GAS2: variants seen among roughly 807,000 people sequenced by gnomAD.
GAS2 encodes growth arrest specific 2.
In GAS2, 20 loss-of-function variants were observed where a neutral mutation model predicts 37.5. The ratio of observed to expected loss-of-function variants is 0.53; its 90% CI spans 0.37 to 0.77. The LOEUF (loss-of-function observed/expected upper bound fraction) is 0.77, where lower values mean the gene tolerates loss of function less well. Ranked by LOEUF, GAS2 falls within the 30% of genes least tolerant of loss-of-function variation. The pLI is 0.00. For missense variants in GAS2, 336 were observed against 373.4 expected, an observed-to-expected ratio of 0.90 and a Z score of 0.82; for synonymous variants, 144 against 132.2, an observed-to-expected ratio of 1.09 and a Z score of -0.61.
At chr11:22,674,499 A>G (rs1121197) in intron 1 of GAS2, among the ~76,000 whole-genome samples, 94,905 of 151,874 alleles carry the variant, frequency 0.62, 30,836 homozygotes, top group East Asian at 0.83. Flanking sequence ...AGCCCAAACA[A>G]TGGGAGTTAA....
intron 3 of GAS2, among the ~76,000 whole-genome samples, chr11:22,695,967 G>A (rs1402667489): frequency 6.6e-6 from 1 of 151,702 alleles, no homozygotes; most frequent in Non-Finnish European, 1.5e-5. Flanking sequence ...TATACTTTAA[G>A]TTTTAGGGTA....
At chr11:22,766,825 G>A (rs974217862) in intron 7 of GAS2, among the ~76,000 whole-genome samples, 4 of 152,020 alleles carry the variant, frequency 2.6e-5, no homozygotes, top group Admixed American at 1.3e-4. Flanking sequence ...TATGGCCTTT[G>A]GTCAGTTAAG....
At chr11:22,740,265 C>T (rs1853001182) in intron 5 of GAS2, among the ~76,000 whole-genome samples, 1 of 152,102 alleles carries the variant, frequency 6.6e-6, no homozygotes, top group African/African-American at 2.4e-5. Flanking sequence ...GGGTTTGTTC[C>T]ATTTCTGACC....
At chr11:22,718,107 A>G (rs1200739306) in intron 3 of GAS2, among the ~76,000 whole-genome samples, 1 of 152,174 alleles carries the variant, frequency 6.6e-6, no homozygotes, top group Non-Finnish European at 1.5e-5. Context: ...TGATCCAGCA[A>G]TCCCACTACT....
intron 7 of GAS2, among the ~76,000 whole-genome samples, chr11:22,779,370 CA>C (rs1564884944): frequency 6.6e-6 from 1 of 152,168 alleles, no homozygotes. Flanking sequence ...TCTTTCAACA[CA>C]GTGTGTTGTT....
chr11:22,692,093 G>T (rs1850271743), intron 3 of GAS2, among the ~76,000 whole-genome samples: 1 of 152,050 alleles, frequency 6.6e-6, no homozygotes, highest in Non-Finnish European at 1.5e-5. Flanking sequence ...ATGTAAAGGA[G>T]CTTGACTTTT....
chr11:22,764,468 G>A (rs892067009), intron 7 of GAS2, among the ~76,000 whole-genome samples: 1 of 150,804 alleles, frequency 6.6e-6, no homozygotes, highest in African/African-American at 2.4e-5. Flanking sequence ...GCTGAGTCAG[G>A]AGAATGGCGT....
In GAS2 at chr11:22,740,290, C is replaced by T. The variant is rs147718374; in HGVS notation, c.473+2522C>T. On this transcript the variant is annotated intron_variant, in intron 5 of 7. Coordinates refer to ENST00000454584, the MANE Select transcript of GAS2 (RefSeq NM_001143830.3). The stretch of plus-strand genomic sequence containing the variant: ...CATTTCTGACCATGATTCATTTCCA[C>T]GCAACCTGATAAAAGCAGTGATTAT... Among the ~76,000 whole-genome samples the T allele has an allele frequency of 6.9e-3, 1,052 of 152,214 alleles. 9 individuals carry two copies. The highest frequency in any genetic ancestry group is 0.01 in the Middle Eastern group (3 of 294).
chr11:22,691,645 T>C (rs1365253470), intron 3 of GAS2, among the ~76,000 whole-genome samples: 1 of 152,106 alleles, frequency 6.6e-6, no homozygotes, highest in Non-Finnish European at 1.5e-5. Flanking sequence ...AGAGAATATA[T>C]TATGATGAGA....
chr11:22,746,563 A>C (rs1257222800), intron 5 of GAS2, among the ~76,000 whole-genome samples: 1 of 152,212 alleles, frequency 6.6e-6, no homozygotes, highest in Admixed American at 6.5e-5. Flanking sequence ...CCATAGAGGC[A>C]GCTGAAGGCC....
intron 7 of GAS2, among the ~76,000 whole-genome samples, chr11:22,757,340 T>C (rs185695106): frequency 1.2e-4 from 18 of 152,294 alleles, no homozygotes; most frequent in African/African-American, 4.3e-4. Context: ...ATTCCATTTT[T>C]CTTTTCAAGA....
intron 6 of GAS2, among the ~76,000 whole-genome samples, chr11:22,755,357 C>T (rs1409450739): frequency 6.6e-6 from 1 of 151,846 alleles, no homozygotes; most frequent in African/African-American, 2.4e-5. Flanking sequence ...TAAGATGAAA[C>T]AATAGTCTCC....
chr11:22,671,487 T>G (rs1849197978), intron 1 of GAS2, among the ~76,000 whole-genome samples: 1 of 152,146 alleles, frequency 6.6e-6, no homozygotes, highest in South Asian at 2.1e-4. Flanking sequence ...ATTCAGTGTT[T>G]AGGCACATTA....
chr11:22,650,825 A>G (rs1353799503), intron 1 of GAS2, among the ~76,000 whole-genome samples: 3 of 151,854 alleles, frequency 2.0e-5, no homozygotes, highest in South Asian at 4.2e-4. Flanking sequence ...TGCCCGTGAG[A>G]TGGGTTTCCT....
chr11:22,802,497 G>T (rs12574634), intron 7 of GAS2, among the ~76,000 whole-genome samples: 6 of 150,926 alleles, frequency 4.0e-5, no homozygotes, highest in Non-Finnish European at 7.4e-5. Context: ...TTTTGGTCAC[G>T]GTCTTTTTTT....
intron 3 of GAS2, among the ~76,000 whole-genome samples, chr11:22,718,401 A>C (rs1369888419): frequency 6.6e-6 from 1 of 151,850 alleles, no homozygotes; most frequent in Non-Finnish European, 1.5e-5. Context: ...TTCTAAGTGA[A>C]GTAACTCAGG....
chr11:22,655,078 C>G (rs1848840134), intron 1 of GAS2, among the ~76,000 whole-genome samples: 1 of 152,192 alleles, frequency 6.6e-6, no homozygotes, highest in Non-Finnish European at 1.5e-5. Context: ...CTCTCTCTCC[C>G]TACTGCCCTT....
intron 7 of GAS2, among the ~76,000 whole-genome samples, chr11:22,804,921 T>C (rs956566488): frequency 6.6e-6 from 1 of 152,148 alleles, no homozygotes; most frequent in Non-Finnish European, 1.5e-5. Context: ...AGTTCTTGGA[T>C]GAAGTATATA....
intron 3 of GAS2, among the ~76,000 whole-genome samples, chr11:22,716,008 G>A (rs1466035843): frequency 6.6e-6 from 1 of 152,110 alleles, no homozygotes; most frequent in Non-Finnish European, 1.5e-5. Flanking sequence ...ATGATCAAGT[G>A]GGTTTCATAC....
Sources: allele counts gnomAD v4.1 joint callset (sites outside exome capture counted in the v4.1 genomes callset), GRCh38; gene constraint gnomAD v4.1.1; transcripts MANE v1.5; gene names NCBI Gene and HGNC (gene_info 2026-07-23, HGNC 2026-07-21).